ZDHHC7: variants seen among roughly 807,000 people sequenced by gnomAD.
ZDHHC7 encodes the protein palmitoyltransferase ZDHHC7.
In ZDHHC7, 12 loss-of-function variants were observed where a neutral mutation model predicts 34.1. The ratio of observed to expected loss-of-function variants is 0.35; its 90% CI spans 0.23 to 0.57. The LOEUF (loss-of-function observed/expected upper bound fraction) is 0.57. ZDHHC7 is among the 20% of genes least tolerant of loss of function. ZDHHC7 has a pLI of 0.84. For synonymous variants in ZDHHC7, 185 were observed against 155.4 expected (o/e 1.19, Z -1.42); for missense variants, 388 against 402.7 (o/e 0.96, Z 0.31).
chr16:84,976,220 C>T lies in ZDHHC7; in HGVS notation c.*123G>A. 1 of 1,247,420 alleles carries T rather than the reference C, an allele frequency of 8.0e-7. No homozygotes were observed. Among genetic ancestry groups the T allele is most frequent in the East Asian group, 2.3e-5 (1 of 42,748 alleles). 77.3% of individuals were successfully genotyped at this position (1,247,420 alleles called of 1,614,324 possible). ...TAAATATATAAAACTCTGCTTGCTG[C>T]AAGCAATTGGTTTGTGTAGGTTCCA... is the stretch of plus-strand genomic sequence containing the variant. On this transcript the variant is annotated 3_prime_UTR_variant, in exon 8 of 8. Transcript: ENST00000313732.
intron 7 of ZDHHC7, 111 bp from the exon 8 acceptor site, chr16:84,976,630 G>C (rs992113161): frequency 2.8e-6 from 4 of 1,407,082 alleles, no homozygotes; most frequent in African/African-American, 2.9e-5. Context: ...ATGGAGGGTA[G>C]GTGAGTGAAC....
upstream of ZDHHC7, among the ~76,000 whole-genome samples, chr16:85,013,363 C>A (rs562487881): frequency 6.6e-6 from 1 of 151,922 alleles, no homozygotes; most frequent in African/African-American, 2.4e-5. Flanking sequence ...CTGCCTCAAC[C>A]TCCTGAGTAG....
intron 1 of ZDHHC7, among the ~76,000 whole-genome samples, chr16:85,004,489 A>C (rs1480798692): frequency 6.6e-6 from 1 of 151,866 alleles, no homozygotes; most frequent in Admixed American, 6.6e-5. Context: ...CCCCTCCCTA[A>C]GCTCATGCAA....
the ZDHHC7 span, among the ~76,000 whole-genome samples, chr16:85,024,408 T>C: frequency 3.9e-5 from 6 of 151,954 alleles, no homozygotes; most frequent in Non-Finnish European, 5.9e-5. Flanking sequence ...ATGTTTTGTA[T>C]CTTTAGTAGA....
Position 84,976,152 on chromosome 16 carries a change from A to T in ZDHHC7, c.*191T>A. ...TGGCCACACACCTTTCCGTTGTTGT[A>T]CAGGTGGGGACTGAGAGCCTCTTCC... is the stretch of plus-strand genomic sequence containing the variant. On this transcript the variant is annotated 3_prime_UTR_variant, in exon 8 of 8. Coordinates refer to ENST00000313732, the MANE Select transcript of ZDHHC7 (RefSeq NM_017740.3). 1 of 695,484 alleles carries T rather than the reference A, an allele frequency of 1.4e-6. No homozygotes were observed. Among genetic ancestry groups the T allele is most frequent in the Non-Finnish European group, 2.3e-6 (1 of 432,192 alleles). 43.1% of individuals were successfully genotyped at this position (695,484 alleles called of 1,614,324 possible).
chr16:85,017,127 T>C, the ZDHHC7 span, among the ~76,000 whole-genome samples: 1 of 152,160 alleles, frequency 6.6e-6, no homozygotes, highest in East Asian at 1.9e-4. Context: ...TTTTTAATCA[T>C]GAGCATGTAT....
intron 2 of ZDHHC7, among the ~76,000 whole-genome samples, chr16:84,992,195 G>T (rs1041584329): frequency 2.6e-4 from 39 of 151,706 alleles, no homozygotes; most frequent in African/African-American, 9.0e-4. Flanking sequence ...TGGGTCAGGT[G>T]CGGGTGGCTC....
intron 3 of ZDHHC7, 109 bp from the exon 4 acceptor site, chr16:84,982,103 G>A (rs914898811): frequency 1.7e-5 from 24 of 1,450,000 alleles, no homozygotes; most frequent in Middle Eastern, 2.4e-4. Flanking sequence ...AGGCTGAGGC[G>A]GGTGGATCAC....
intron 1 of ZDHHC7, among the ~76,000 whole-genome samples, chr16:85,007,008 TAGA>T (rs1183021806): frequency 7.0e-6 from 1 of 141,864 alleles, no homozygotes; most frequent in Non-Finnish European, 1.5e-5. Context: ...TAAGACACCG[TAGA>T]AGAACACGGT....
intron 1 of ZDHHC7, among the ~76,000 whole-genome samples, chr16:85,009,725 T>TTTTG (rs2072764190): frequency 6.7e-6 from 1 of 148,380 alleles, no homozygotes; most frequent in Non-Finnish European, 1.5e-5. Context: ...TTTTTTTTTT[T>TTTTG]TGAGACGGAG....
At chr16:84,997,025 C>CA (rs11314476) in intron 1 of ZDHHC7, among the ~76,000 whole-genome samples, 20,928 of 107,412 alleles carry the variant, frequency 0.19, 2,044 homozygotes, top group East Asian at 0.38. Flanking sequence ...GACTCTGTCT[C>CA]AAAAAAAAAA....
chr16:84,994,705 G>C (rs2143669556), intron 2 of ZDHHC7, among the ~76,000 whole-genome samples: 1 of 152,302 alleles, frequency 6.6e-6, no homozygotes, highest in Non-Finnish European at 1.5e-5. Flanking sequence ...CCAAACACTG[G>C]CCATGGCAGG....
chr16:84,986,150 G>C (rs372823838), intron 3 of ZDHHC7, among the ~76,000 whole-genome samples: 1 of 152,182 alleles, frequency 6.6e-6, no homozygotes, highest in African/African-American at 2.4e-5. Flanking sequence ...TTATCTGGGG[G>C]AGGGGAACGG....
At chr16:85,015,626 G>A (rs923439152), upstream of ZDHHC7, among the ~76,000 whole-genome samples, 4 of 152,102 alleles carry the variant, frequency 2.6e-5, no homozygotes, top group Admixed American at 2.6e-4. Context: ...CAAGGCAGGA[G>A]GATAGCTTGA....
intron 7 of ZDHHC7, 149 bp from the exon 8 acceptor site, chr16:84,976,668 G>T: frequency 1.7e-6 from 2 of 1,185,810 alleles, no homozygotes; most frequent in Non-Finnish European, 2.3e-6. Flanking sequence ...CCCCGATCCA[G>T]ACCCCGTGGC....
At chr16:85,022,918 C>T in the ZDHHC7 span, among the ~76,000 whole-genome samples, 6 of 152,144 alleles carry the variant, frequency 3.9e-5, no homozygotes, top group Non-Finnish European at 7.3e-5. Context: ...GGCCTGCACT[C>T]TTAGTCAATA....
chr16:85,005,048 A>G (rs1460656870), intron 1 of ZDHHC7: 1 of 152,206 alleles, frequency 6.6e-6, no homozygotes, highest in East Asian at 1.9e-4. Flanking sequence ...TCCCTGTACG[A>G]GAGCCACAAC....
At position 84,976,432 on chromosome 16, in the gene ZDHHC7, A is replaced by C; in HGVS notation, c.838T>G (p.Ser280Ala). 1 of 1,614,086 alleles carries C rather than the reference A, an allele frequency of 6.2e-7. No individual in the cohort carries two copies. Residue 280 changes from serine to alanine, a missense_variant, in exon 8 of 8, where the codon TCA becomes GCA. Coordinates refer to ENST00000313732, the MANE Select transcript of ZDHHC7 (RefSeq NM_017740.3). Reference sequence around the variant, plus strand: ...ACAAAGGGATTCATCCAGAGGAGTGAGGGGGGCCCCCCAAAGACGGACTTC... The same window carrying C: ...ACAAAGGGATTCATCCAGAGGAGTGCGGGGGGCCCCCCAAAGACGGACTTC... Reference protein sequence around the residue: ...GMKSVFGGPPSLLWMNPFVGF... With the variant: ...GMKSVFGGPPALLWMNPFVGF...
intron 3 of ZDHHC7, 37 bp from the exon 4 acceptor site, chr16:84,982,031 A>G: frequency 1.2e-6 from 2 of 1,612,408 alleles, no homozygotes; most frequent in Non-Finnish European, 1.7e-6. Context: ...GTTGGGGAGA[A>G]TGAAAGTTAA....
Sources: allele counts gnomAD v4.1 joint callset (sites outside exome capture counted in the v4.1 genomes callset), GRCh38; gene constraint gnomAD v4.1.1; transcripts MANE v1.5; gene names NCBI Gene and HGNC (gene_info 2026-07-23, HGNC 2026-07-21).